SPNS2: variants seen among roughly 807,000 people sequenced by gnomAD.
SPNS2 encodes sphingosine-1-phosphate transporter SPNS2.
Under a neutral mutation model 57.6 loss-of-function variants are expected in SPNS2, and 37 were observed. That is an observed-to-expected ratio of 0.64 (90% CI 0.49 to 0.85). SPNS2 has a LOEUF of 0.85. Among genes scored for constraint, SPNS2 ranks in the 40% least tolerant of loss-of-function variants. The pLI is 0.00. For synonymous variants in SPNS2, 440 were observed against 346.9 expected (o/e 1.27, Z -2.98); for missense variants, 831 against 779.1 (o/e 1.07, Z -0.79).
intron 3 of SPNS2, among the ~76,000 whole-genome samples, chr17:4,527,562 C>T (rs1905291584): frequency 6.6e-6 from 1 of 152,196 alleles, no homozygotes; most frequent in Admixed American, 6.5e-5. Flanking sequence ...ACAAATAACT[C>T]AGTAGAAAAA....
rs1255680584 is a variant in SPNS2, at chr17:4,533,342, C to A, written c.1188C>A (p.Asp396Glu). 3.1e-6 allele frequency: 5 copies of A among 1,611,980 alleles called. No homozygotes were observed. The highest frequency in any genetic ancestry group is 4.2e-6 in the Non-Finnish European group (5 of 1,179,746). Residue 396 changes from aspartate to glutamate, a missense_variant, in exon 8 of 13, where the codon GAC becomes GAA. This residue lies in a region of SPNS2 where 526 missense variants were observed against 400.9 expected (regional missense o/e 1.31). Coordinates refer to ENST00000329078, the MANE Select transcript of SPNS2 (RefSeq NM_001124758.3). Reference protein sequence around the residue: ...RWCRLKTQRADPLVCAVGMLG... With the variant: ...RWCRLKTQRAEPLVCAVGMLG... ...GCCGCCTGAAGACCCAGCGGGCCGA[C>A]CCACTGGTGTGTGCCGTGGGCATGC...
chr17:4,500,387 G>A (rs570310819), intron 1 of SPNS2, among the ~76,000 whole-genome samples: 28 of 152,272 alleles, frequency 1.8e-4, no homozygotes, highest in Middle Eastern at 3.4e-3. Flanking sequence ...CAGCAATTAG[G>A]GGTGGGTCTA....
chr17:4,532,113 AC>A (rs1905504503), intron 5 of SPNS2, among the ~76,000 whole-genome samples: 1 of 151,500 alleles, frequency 6.6e-6, no homozygotes, highest in Non-Finnish European at 1.5e-5. Flanking sequence ...CCATCCATCC[AC>A]CATCCGTCCG....
intron 1 of SPNS2, among the ~76,000 whole-genome samples, chr17:4,505,385 TCCGA>T (rs1245530936): frequency 6.6e-6 from 1 of 152,180 alleles, no homozygotes; most frequent in Non-Finnish European, 1.5e-5. Context: ...TCAGGGTTTC[TCCGA>T]CAGTGGCTGG....
At position 4,499,188 on chromosome 17, in the gene SPNS2, C is replaced by T; in HGVS notation, c.141C>T (p.Gly47=). 3 of 1,343,308 alleles carry T rather than the reference C, an allele frequency of 2.2e-6. No individual in the cohort carries two copies. Among genetic ancestry groups the T allele is most frequent in the Admixed American group, 3.6e-5 (1 of 27,976 alleles). The allele number at this position is 1,343,308 out of a possible 1,614,324, so 83.2% of individuals were successfully genotyped here. ...GCTGCGGGGCGCGGGGCGCGGGCGG[C>T]GCTGGAGTCTCGGCCGCGGGCGATG... is the stretch of plus-strand genomic sequence containing the variant. ...SGCCGARGAG[G]AGVSAAGDEV... Residue 47 remains glycine, a synonymous_variant, in exon 1 of 13, where the codon GGC becomes GGT. Transcript: ENST00000329078. The surrounding 1 kb of genome is among the most constrained non-coding windows in gnomAD (Gnocchi z 5.2).
chr17:4,522,616 G>A (rs1352097152), intron 2 of SPNS2, among the ~76,000 whole-genome samples: 1 of 152,148 alleles, frequency 6.6e-6, no homozygotes, highest in Non-Finnish European at 1.5e-5. Flanking sequence ...ATCTCGCCAG[G>A]GTCTCAGGCC....
chr17:4,531,395 G>A (rs1459857058), intron 5 of SPNS2, among the ~76,000 whole-genome samples: 1 of 152,098 alleles, frequency 6.6e-6, no homozygotes, highest in Non-Finnish European at 1.5e-5. Context: ...CAGGTTGAGA[G>A]AACCAAGGAT....
chr17:4,534,958 A>T (rs1905702402), intron 9 of SPNS2, among the ~76,000 whole-genome samples: 1 of 152,078 alleles, frequency 6.6e-6, no homozygotes, highest in Admixed American at 6.5e-5. Context: ...GTAACAGTTT[A>T]TTCCTGCTGG....
chr17:4,538,291 CT>C lies in SPNS2; in HGVS notation c.*847del. On this transcript the variant is annotated 3_prime_UTR_variant, in exon 13 of 13. Coordinates refer to ENST00000329078, the MANE Select transcript of SPNS2 (RefSeq NM_001124758.3). ...CTCCTTCCCCGAGGCTGAGCTGAGCCTTTTCCAGGGGCAGGGCCCAGGAGAC... is the reference window on the plus strand; with the variant it reads ...CTCCTTCCCCGAGGCTGAGCTGAGCCTTTCCAGGGGCAGGGCCCAGGAGAC... The C allele has an allele frequency of 5.4e-6, 1 of 185,478 alleles. No homozygotes were observed. The highest frequency in any genetic ancestry group is 1.1e-5 in the Non-Finnish European group (1 of 88,248). The allele number at this position is 185,478 out of a possible 1,614,324, so 11.5% of individuals were successfully genotyped here.
chr17:4,521,448 C>T (rs1171142209), intron 2 of SPNS2, among the ~76,000 whole-genome samples: 2 of 152,200 alleles, frequency 1.3e-5, no homozygotes, highest in Admixed American at 6.6e-5. Context: ...TGACCAAGGC[C>T]GGCCTGCTCT....
chr17:4,525,936 G>A (rs555394377), intron 3 of SPNS2, among the ~76,000 whole-genome samples: 2 of 152,258 alleles, frequency 1.3e-5, no homozygotes, highest in East Asian at 1.9e-4. Flanking sequence ...TCCCCATCTC[G>A]AGGCGTATTC....
At chr17:4,518,480 G>A (rs530891229) in intron 2 of SPNS2, among the ~76,000 whole-genome samples, 56 of 152,324 alleles carry the variant, frequency 3.7e-4, no homozygotes, top group African/African-American at 1.3e-3. Context: ...CCGAGATCGC[G>A]CCACTGCACT....
rs74378371 is a variant in SPNS2 at position 4,533,942 on chromosome 17, G to A, written c.1344+89G>A. On this transcript the variant is annotated intron_variant, in intron 9 of 12. Coordinates refer to ENST00000329078, the MANE Select transcript of SPNS2 (RefSeq NM_001124758.3). Reference sequence around the variant, plus strand: ...GCCTGGGGAGGGCGGGTGAAGGGGCGGGAGAGCTGGTAGGAAGGCAGGCCT... The same window carrying A: ...GCCTGGGGAGGGCGGGTGAAGGGGCAGGAGAGCTGGTAGGAAGGCAGGCCT... 91 of 1,148,788 alleles carry A rather than the reference G, an allele frequency of 7.9e-5. 3 individuals are homozygous for A. The highest frequency in any genetic ancestry group is 1.0e-4 in the Non-Finnish European group (81 of 777,428). The allele number at this position is 1,148,788 out of a possible 1,614,324, so 71.2% of individuals were successfully genotyped here.
chr17:4,506,270 G>C (rs1277131039), intron 1 of SPNS2, among the ~76,000 whole-genome samples: 1 of 152,196 alleles, frequency 6.6e-6, no homozygotes, highest in African/African-American at 2.4e-5. Context: ...AAGGCTGAGG[G>C]TTTGTGGGCT....
rs575368818 is a variant in SPNS2 at position 4,533,237 on chromosome 17, C to G, written c.1089-6C>G. On this transcript the variant is annotated splice_polypyrimidine_tract_variant and splice_region_variant and intron_variant, in intron 7 of 12. Coordinates refer to ENST00000329078, the MANE Select transcript of SPNS2 (RefSeq NM_001124758.3). ...ACTCGTGCGCCACCATCCTCTGTCC[C>G]CACAGCCTCATCTTTGGGGCCATCA... The G allele has an allele frequency of 6.3e-7, 1 of 1,594,682 alleles. No individual in the cohort carries two copies. The highest frequency in any genetic ancestry group is 1.7e-5 in the Admixed American group (1 of 59,014).
intron 2 of SPNS2, among the ~76,000 whole-genome samples, chr17:4,524,367 G>A (rs568153170): frequency 2.0e-5 from 3 of 152,288 alleles, no homozygotes; most frequent in South Asian, 2.1e-4. Flanking sequence ...GGAAAGATAC[G>A]TAATACATGA....
At position 4,532,971 on chromosome 17, in the gene SPNS2, C is replaced by T. The variant is rs763185074; in HGVS notation, c.936-6C>T. ...AGCTCAGTGTCACTGCCTGGCCTCT[C>T]CCCAGCCGCAGCTACGTCTTCTCCT... On this transcript the variant is annotated splice_polypyrimidine_tract_variant and splice_region_variant and intron_variant, in intron 6 of 12. Coordinates refer to ENST00000329078, the MANE Select transcript of SPNS2 (RefSeq NM_001124758.3). The T allele has an allele frequency of 1.8e-5, 29 of 1,608,786 alleles. No homozygotes were observed. The highest frequency in any genetic ancestry group is 2.4e-5 in the Non-Finnish European group (28 of 1,177,496).
rs764760953 is a variant in SPNS2 at position 4,538,061 on chromosome 17, ACACTGTCT to A, written c.*623_*630del. The A allele has an allele frequency of 1.2e-4, 43 of 344,056 alleles. No homozygotes were observed. The highest frequency in any genetic ancestry group is 4.2e-4 in the Admixed American group (11 of 26,066). 21.3% of individuals were successfully genotyped at this position (344,056 alleles called of 1,614,324 possible). ...CAAGTCTCTGGGTACTCCCTGGAGGACACTGTCTCACTGTCTCGGGTTGGCTCCCAGCC... is the reference window on the plus strand; with the variant it reads ...CAAGTCTCTGGGTACTCCCTGGAGGACACTGTCTCGGGTTGGCTCCCAGCC... On this transcript the variant is annotated 3_prime_UTR_variant, in exon 13 of 13. Coordinates refer to ENST00000329078, the MANE Select transcript of SPNS2 (RefSeq NM_001124758.3).
At chr17:4,504,798 C>T (rs1904630546) in intron 1 of SPNS2, among the ~76,000 whole-genome samples, 1 of 152,180 alleles carries the variant, frequency 6.6e-6, no homozygotes, top group Admixed American at 6.5e-5. Flanking sequence ...TGCCAGCCTT[C>T]GCCAGCTTTA....
Sources: allele counts gnomAD v4.1 joint callset (sites outside exome capture counted in the v4.1 genomes callset), GRCh38; gene constraint gnomAD v4.1.1; regional missense constraint gnomAD v4.1.1; non-coding constraint Gnocchi (gnomAD v3.1); transcripts MANE v1.5; gene names NCBI Gene and HGNC (gene_info 2026-07-23, HGNC 2026-07-21).